Variants in DGKB observed in about 807,000 individuals in gnomAD.
The protein encoded by DGKB is diacylglycerol kinase beta, also known as 90 kDa diacylglycerol kinase.
In DGKB, 67 loss-of-function variants were observed where a neutral mutation model predicts 114.3. The ratio of observed to expected loss-of-function variants is 0.59; its 90% CI spans 0.48 to 0.72. The LOEUF (loss-of-function observed/expected upper bound fraction) is 0.72, where lower values mean the gene tolerates loss of function less well. DGKB is among the 30% of genes least tolerant of loss of function. DGKB has a pLI of 0.00. For missense variants in DGKB, 907 were observed against 975.2 expected (o/e 0.93, Z 0.93); for synonymous variants, 398 against 323.1 (o/e 1.23, Z -2.49).
chr7:14,789,201 G>A (rs1432716081), intron 2 of DGKB, among the ~76,000 whole-genome samples: 1 of 151,946 alleles, frequency 6.6e-6, no homozygotes, highest in Non-Finnish European at 1.5e-5. Context: ...CAAAATTACA[G>A]TACAATATTA....
chr7:14,844,666 C>A (rs1399589814), intron 1 of DGKB, among the ~76,000 whole-genome samples: 1 of 152,148 alleles, frequency 6.6e-6, no homozygotes, highest in Non-Finnish European at 1.5e-5. Context: ...ATTTCCCAAA[C>A]CCCCTTGGTG....
At chr7:14,272,828 T>A (rs562303414) in intron 23 of DGKB, among the ~76,000 whole-genome samples, 3 of 152,304 alleles carry the variant, frequency 2.0e-5, no homozygotes, top group African/African-American at 7.2e-5. Context: ...AAGTGAAAGA[T>A]AAGTTTCAAT....
At chr7:14,536,624 GC>G (rs1792543247) in intron 20 of DGKB, among the ~76,000 whole-genome samples, 1 of 152,118 alleles carries the variant, frequency 6.6e-6, no homozygotes, top group East Asian at 1.9e-4. Context: ...ACTCTCTCAT[GC>G]TAAACCACTC....
At chr7:14,248,665 G>C (rs1286325615) in intron 23 of DGKB, among the ~76,000 whole-genome samples, 3 of 151,886 alleles carry the variant, frequency 2.0e-5, no homozygotes, top group African/African-American at 7.3e-5. Context: ...TCAGTTTATA[G>C]AAGTGCAACT....
intron 2 of DGKB, among the ~76,000 whole-genome samples, chr7:14,806,481 A>C (rs1233475811): frequency 6.6e-6 from 1 of 151,792 alleles, no homozygotes; most frequent in East Asian, 2.0e-4. Context: ...AAATTGAGAA[A>C]ATAGTAAACA....
intron 2 of DGKB, among the ~76,000 whole-genome samples, chr7:14,827,129 A>G (rs1845806231): frequency 6.6e-6 from 1 of 152,138 alleles, no homozygotes; most frequent in Admixed American, 6.6e-5. Flanking sequence ...CCACCCAACC[A>G]ATAAACAAGT....
At chr7:14,790,180 A>AT (rs1032240971) in intron 2 of DGKB, among the ~76,000 whole-genome samples, 3 of 152,122 alleles carry the variant, frequency 2.0e-5, no homozygotes, top group Admixed American at 6.6e-5. Flanking sequence ...TTCATTATAT[A>AT]TTTTACATGC....
chr7:14,648,388 C>G (rs540975258), intron 13 of DGKB, among the ~76,000 whole-genome samples: 41 of 152,306 alleles, frequency 2.7e-4, no homozygotes, highest in South Asian at 1.2e-3. Flanking sequence ...GGGGCACACT[C>G]ACACCTCACA....
At chr7:14,319,570 A>C (rs1449394654) in intron 23 of DGKB, among the ~76,000 whole-genome samples, 1 of 152,124 alleles carries the variant, frequency 6.6e-6, no homozygotes, top group Non-Finnish European at 1.5e-5. Context: ...GTTCTTTAGG[A>C]TTTTCAATAA....
intron 17 of DGKB, among the ~76,000 whole-genome samples, chr7:14,598,096 G>C (rs1003933217): frequency 2.0e-5 from 3 of 152,060 alleles, no homozygotes; most frequent in Non-Finnish European, 4.4e-5. Context: ...TTTTATGATA[G>C]CATTATCACT....
rs552069897 is a variant in DGKB, at chr7:14,188,954, A to G, written c.2123-10803T>C. On this transcript the variant is annotated intron_variant, in intron 23 of 25. Coordinates refer to ENST00000402815, the MANE Select transcript of DGKB (RefSeq NM_001350709.2). ...AAGCAAAGATATTTTTCCAGAAATG[A>G]AGAAGAAATAAAAATTTTTGCAGAT... Among the ~76,000 whole-genome samples, 3 of 152,266 alleles carry G rather than the reference A, an allele frequency of 2.0e-5. No individual in the cohort carries two copies. The South Asian group carries it at 6.2e-4, about 32-fold the overall frequency.
intron 23 of DGKB, among the ~76,000 whole-genome samples, chr7:14,247,173 T>C (rs1316388211): frequency 6.6e-6 from 1 of 152,174 alleles, no homozygotes; most frequent in East Asian, 1.9e-4. Context: ...AATTTCCTTC[T>C]TTTTAAGGCT....
intron 23 of DGKB, among the ~76,000 whole-genome samples, chr7:14,185,003 T>C (rs113353901): frequency 0.091 from 13,779 of 152,096 alleles, 869 homozygotes; most frequent in Admixed American, 0.18. Context: ...CTCTTCAACA[T>C]AGTACTGGAA....
rs182664961 is a variant in DGKB at position 14,297,597 on chromosome 7, C to T, written c.2122+40918G>A. 4.1e-3 allele frequency among the ~76,000 whole-genome samples: 624 copies of T among 152,272 alleles called. 2 individuals are homozygous for T. The highest frequency in any genetic ancestry group is 0.015 in the African/African-American group (603 of 41,566). On this transcript the variant is annotated intron_variant, in intron 23 of 25. Transcript: ENST00000402815. Reference sequence around the variant, plus strand: ...TTTATGATAAACCCACAGCCAATATCATACTGAATGGGCAAAATCTGGAAG... The same window carrying T: ...TTTATGATAAACCCACAGCCAATATTATACTGAATGGGCAAAATCTGGAAG...
Position 14,718,951 on chromosome 7 carries a change from T to A in DGKB, c.323-266A>T, listed in dbSNP as rs73055218. 3,341 of 283,816 alleles carry A rather than the reference T, an allele frequency of 0.012. 26 individuals carry two copies. Among genetic ancestry groups the A allele is most frequent in the Non-Finnish European group, 0.015 (2,317 of 155,210 alleles). The allele number at this position is 283,816 out of a possible 1,614,324, so 17.6% of individuals were successfully genotyped here. On this transcript the variant is annotated intron_variant, in intron 5 of 25. Coordinates refer to ENST00000402815, the MANE Select transcript of DGKB (RefSeq NM_001350709.2). ...TGGGTCAGAATAATATTACCCTAGG[T>A]GAGTTGGTACACATTTGAATGCTTG... is the stretch of plus-strand genomic sequence containing the variant.
At chr7:14,511,410 C>T (rs1169926482) in intron 20 of DGKB, among the ~76,000 whole-genome samples, 1 of 152,186 alleles carries the variant, frequency 6.6e-6, no homozygotes, top group African/African-American at 2.4e-5. Context: ...ATGCTAGCTT[C>T]CAACTTTTCT....
intron 13 of DGKB, among the ~76,000 whole-genome samples, chr7:14,641,943 T>C (rs909565397): frequency 1.8e-4 from 28 of 152,234 alleles, no homozygotes; most frequent in African/African-American, 5.8e-4. Context: ...ACGTAGGTTC[T>C]TTTTCATTCA....
chr7:14,437,391 A>C (rs1193448630), intron 21 of DGKB, among the ~76,000 whole-genome samples: 2 of 152,144 alleles, frequency 1.3e-5, no homozygotes, highest in Non-Finnish European at 2.9e-5. Flanking sequence ...AGTTTTCTAC[A>C]CACTTACCAG....
chr7:14,338,977 G>A (rs1811149345), intron 22 of DGKB, among the ~76,000 whole-genome samples: 1 of 151,840 alleles, frequency 6.6e-6, no homozygotes, highest in African/African-American at 2.4e-5. Flanking sequence ...AAAACCTTTG[G>A]GAGAGACTCG....
Sources: allele counts gnomAD v4.1 joint callset (sites outside exome capture counted in the v4.1 genomes callset), GRCh38; gene constraint gnomAD v4.1.1; transcripts MANE v1.5; gene names NCBI Gene and HGNC (gene_info 2026-07-23, HGNC 2026-07-21).